Variants in PAPPA2 observed in about 807,000 individuals in gnomAD.
PAPPA2 encodes the protein pappalysin 2, also known as pappalysin-2.
Under a neutral mutation model 176.4 loss-of-function variants are expected in PAPPA2, and 86 were observed. The observed-to-expected ratio is 0.49, with a 90% confidence interval of 0.41 to 0.58. The LOEUF (loss-of-function observed/expected upper bound fraction) is 0.58, where lower values mean the gene tolerates loss of function less well. Ranked by LOEUF, PAPPA2 falls within the 20% of genes least tolerant of loss-of-function variation. PAPPA2 has a pLI of 0.00. For synonymous variants in PAPPA2, 809 were observed against 852.2 expected, an observed-to-expected ratio of 0.95 and a Z score of 0.88; for missense variants, 2,073 against 2,256.9, an observed-to-expected ratio of 0.92 and a Z score of 1.65.
At chr1:176,835,971 G>A (rs548954582) in intron 21 of PAPPA2, among the ~76,000 whole-genome samples, 2 of 152,266 alleles carry the variant, frequency 1.3e-5, no homozygotes, top group African/African-American at 2.4e-5. Flanking sequence ...TGGATATGAA[G>A]CCCAGGATAT....
chr1:176,755,911 A>G (rs539752353), intron 14 of PAPPA2, among the ~76,000 whole-genome samples: 11 of 152,354 alleles, frequency 7.2e-5, no homozygotes, highest in African/African-American at 1.7e-4. Flanking sequence ...TGTAAGCTAG[A>G]GAAAAAATGT....
intron 3 of PAPPA2, among the ~76,000 whole-genome samples, chr1:176,667,671 G>A (rs987088690): frequency 1.3e-5 from 2 of 152,104 alleles, no homozygotes; most frequent in African/African-American, 2.4e-5. Flanking sequence ...ACTGTGGGAA[G>A]TGGGGCTGTG....
At chr1:176,763,316 G>A (rs1189313688) in intron 14 of PAPPA2, among the ~76,000 whole-genome samples, 13 of 152,150 alleles carry the variant, frequency 8.5e-5, no homozygotes, top group Admixed American at 8.5e-4. Flanking sequence ...ACTAGACTAT[G>A]TATTCCCTAA....
chr1:176,618,877 A>G (rs541265088), intron 3 of PAPPA2, among the ~76,000 whole-genome samples: 1 of 152,210 alleles, frequency 6.6e-6, no homozygotes, highest in Non-Finnish European at 1.5e-5. Context: ...GGCATAAATT[A>G]TAACTAGAAG....
intron 1 of PAPPA2, among the ~76,000 whole-genome samples, chr1:176,510,869 CAGAG>C (rs1448679343): frequency 3.6e-5 from 5 of 137,810 alleles, no homozygotes; most frequent in Non-Finnish European, 6.3e-5. Context: ...AATGAAAAAA[CAGAG>C]GGAGAGCTAA....
chr1:176,622,661 C>G (rs1655659974), intron 3 of PAPPA2, among the ~76,000 whole-genome samples: 2 of 152,106 alleles, frequency 1.3e-5, no homozygotes, highest in African/African-American at 4.8e-5. Flanking sequence ...AAGGTGTTGA[C>G]TTTGAGCACA....
chr1:176,604,336 G>A (rs1654493278), intron 3 of PAPPA2, among the ~76,000 whole-genome samples: 1 of 152,026 alleles, frequency 6.6e-6, no homozygotes, highest in South Asian at 2.1e-4. Context: ...AATTCTACGA[G>A]GGAAGGGGTT....
chr1:176,785,085 G>T (rs1205793736), intron 17 of PAPPA2, among the ~76,000 whole-genome samples: 1 of 152,122 alleles, frequency 6.6e-6, no homozygotes, highest in East Asian at 1.9e-4. Context: ...ACAGCGCTAG[G>T]TAACAAAAAC....
intron 1 of PAPPA2, among the ~76,000 whole-genome samples, chr1:176,492,461 G>T (rs546748105): frequency 2.6e-4 from 39 of 152,242 alleles, no homozygotes; most frequent in Admixed American, 6.5e-4. Flanking sequence ...GCTAAATTTG[G>T]ATCCCAGTCT....
chr1:176,792,651 T>C (rs994607939), intron 19 of PAPPA2, among the ~76,000 whole-genome samples: 1 of 152,162 alleles, frequency 6.6e-6, no homozygotes, highest in African/African-American at 2.4e-5. Flanking sequence ...GCATGGCACA[T>C]GTATACATAT....
At chr1:176,529,409 G>A (rs568251819) in intron 1 of PAPPA2, among the ~76,000 whole-genome samples, 4 of 151,806 alleles carry the variant, frequency 2.6e-5, no homozygotes, top group African/African-American at 9.7e-5. Context: ...AGTAAACTAA[G>A]GGAGGCAGAC....
At chr1:176,677,719 C>T (rs780737151) in intron 4 of PAPPA2, among the ~76,000 whole-genome samples, 9 of 151,960 alleles carry the variant, frequency 5.9e-5, no homozygotes, top group Non-Finnish European at 1.3e-4. Flanking sequence ...TCATTGTCAT[C>T]GATTCATTCA....
chr1:176,687,750 T>G (rs1659910858), intron 4 of PAPPA2, among the ~76,000 whole-genome samples: 1 of 152,156 alleles, frequency 6.6e-6, no homozygotes, highest in South Asian at 2.1e-4. Flanking sequence ...GGAACTTTTT[T>G]TTTTTCATCT....
chr1:176,757,990 A>G (rs1029734268), intron 14 of PAPPA2, among the ~76,000 whole-genome samples: 5 of 152,182 alleles, frequency 3.3e-5, no homozygotes, highest in Non-Finnish European at 5.9e-5. Context: ...AGATGGACAC[A>G]TCCTGACAGA....
At chr1:176,629,070 A>G (rs1003012472) in intron 3 of PAPPA2, among the ~76,000 whole-genome samples, 1 of 152,212 alleles carries the variant, frequency 6.6e-6, no homozygotes, top group East Asian at 1.9e-4. Flanking sequence ...CATTTACTCC[A>G]ATAACTCCCT....
At chr1:176,832,621 G>A (rs558880860) in intron 21 of PAPPA2, among the ~76,000 whole-genome samples, 48 of 152,268 alleles carry the variant, frequency 3.2e-4, no homozygotes, top group African/African-American at 1.1e-3. Context: ...CCAAAGTGCT[G>A]GGATTACAGG....
rs376468856 is a variant in PAPPA2 at position 176,789,856 on chromosome 1, G to C, written c.4763G>C (p.Gly1588Ala). The change falls in exon 18 of 23, where the codon GGC becomes GCC. Residue 1588 changes from glycine (G) to alanine (A), a missense_variant. Physicochemically the swap from Gly to Ala is moderately conservative, Grantham distance 60 (BLOSUM62 0). This residue lies in a region of PAPPA2 where 846 missense variants were observed against 857.9 expected (regional missense o/e 0.99). Coordinates refer to ENST00000367662, the MANE Select transcript of PAPPA2 (RefSeq NM_020318.3). ...QCLEGGIWEQGSCIPVVCEPP... is the reference protein window; with the variant it reads ...QCLEGGIWEQASCIPVVCEPP... ...CTGGAAGGTGGAATCTGGGAGCAAG[G>C]CAGCTGCATTCCTGTGGTGTGTGAG... 23 of 1,613,972 alleles carry C rather than the reference G, an allele frequency of 1.4e-5. No individual in the cohort carries two copies. Among genetic ancestry groups the C allele is most frequent in the Non-Finnish European group, 1.9e-5 (22 of 1,179,994 alleles).
At chr1:176,610,505 T>C (rs1241771775) in intron 3 of PAPPA2, among the ~76,000 whole-genome samples, 2 of 152,174 alleles carry the variant, frequency 1.3e-5, no homozygotes, top group African/African-American at 2.4e-5. Flanking sequence ...TGTGATGTAG[T>C]CATTAAAAAT....
chr1:176,490,218 C>T (rs1652832907), intron 1 of PAPPA2, among the ~76,000 whole-genome samples: 1 of 151,902 alleles, frequency 6.6e-6, no homozygotes, highest in Non-Finnish European at 1.5e-5. Flanking sequence ...CAGGACCCCT[C>T]TGCTCTATCT....
Sources: gnomAD v4.1 joint callset for allele counts (sites outside exome capture counted in the v4.1 genomes callset) on GRCh38, gnomAD v4.1.1 for gene constraint, gnomAD v4.1.1 regional missense constraint, MANE v1.5 for transcripts, NCBI Gene and HGNC (gene_info 2026-07-23, HGNC 2026-07-21) for gene names.